PIAS2: variants seen among roughly 807,000 people sequenced by gnomAD.
PIAS2 encodes the protein protein inhibitor of activated STAT 2.
Under a neutral mutation model 69.7 loss-of-function variants are expected in PIAS2, and 19 were observed. The observed-to-expected ratio is 0.27, with a 90% CI of 0.19 to 0.40. The LOEUF (loss-of-function observed/expected upper bound fraction) is 0.40, where lower values mean the gene tolerates loss of function less well. Among genes scored for constraint, PIAS2 ranks in the 10% least tolerant of loss-of-function variants. PIAS2 has a pLI of 1.00. For missense variants in PIAS2, 624 were observed against 757.0 expected (o/e 0.82, Z 2.06); for synonymous variants, 261 against 263.2 (o/e 0.99, Z 0.08).
chr18:46,855,992 C>CTTTTTTTTTTTTTTTTTTTT (rs1256937354), intron 3 of PIAS2, among the ~76,000 whole-genome samples: 1 of 69,150 alleles, frequency 1.4e-5, no homozygotes, highest in African/African-American at 5.6e-5. Context: ...TTTTCTTTTT[C>CTTTTTTTTTTTTTTTTTTTT]TTTTGTTTTT....
chr18:46,851,793 C>A (rs2047006762), intron 5 of PIAS2, among the ~76,000 whole-genome samples: 1 of 152,204 alleles, frequency 6.6e-6, no homozygotes, highest in Non-Finnish European at 1.5e-5. Context: ...TTACTTTGTA[C>A]ATGAAGTATA....
intron 9 of PIAS2, among the ~76,000 whole-genome samples, chr18:46,833,248 T>C (rs1211942419): frequency 6.6e-6 from 1 of 152,222 alleles, no homozygotes; most frequent in South Asian, 2.1e-4. Flanking sequence ...AACATAAATG[T>C]ATCTCAAACA....
chr18:46,892,219 C>A lies in PIAS2; in HGVS notation c.25-1165G>T, dbSNP rs1392587666. On this transcript the variant is annotated intron_variant, in intron 1 of 13. Transcript: ENST00000585916. ...ACGGCCCAGAAGCAACTGTTTAAAA[C>A]CCTATATGGTTTTTAAATACTTGTT... Among the ~76,000 whole-genome samples the A allele has an allele frequency of 3.9e-5, 6 of 152,246 alleles. No individual in the cohort carries two copies. The South Asian group carries it at 1.0e-3, about 26-fold the overall frequency.
At chr18:46,836,598 G>T in intron 8 of PIAS2, 81 bp from the exon 9 acceptor site, 1 of 936,334 alleles carries the variant, frequency 1.1e-6, no homozygotes, top group Non-Finnish European at 1.6e-6. Flanking sequence ...GTAAAAGTCG[G>T]AAGATGTCAT....
chr18:46,815,560 C>A, intron 12 of PIAS2: 1 of 985,260 alleles, frequency 1.0e-6, no homozygotes, highest in Middle Eastern at 5.2e-4. Context: ...GAAAAACTAG[C>A]TCCCAGAGAC....
chr18:46,864,278 A>G (rs749806346), intron 2 of PIAS2, 30 bp from the exon 3 acceptor site: 2 of 1,449,376 alleles, frequency 1.4e-6, no homozygotes, highest in Admixed American at 2.2e-5. Context: ...GAAAGATAAT[A>G]TTTCAATAAC....
chr18:46,879,385 T>TA (rs34230564), intron 2 of PIAS2, among the ~76,000 whole-genome samples: 150,610 of 150,860 alleles, frequency 1, 75,180 homozygotes, highest in Middle Eastern at 1. Context: ...ATGGTCACTA[T>TA]AAAAAAAAAT....
At chr18:46,855,999 T>C in intron 3 of PIAS2, among the ~76,000 whole-genome samples, 1 of 93,258 alleles carries the variant, frequency 1.1e-5, no homozygotes, top group African/African-American at 4.6e-5. Flanking sequence ...TTTCTTTTGT[T>C]TTTTTTTTTT....
chr18:46,836,664 G>T (rs2044484200), intron 8 of PIAS2, 147 bp from the exon 9 acceptor site: 1 of 585,090 alleles, frequency 1.7e-6, no homozygotes, highest in Non-Finnish European at 3.0e-6. Context: ...TTCCCAAGAA[G>T]ATTACAATAT....
chr18:46,882,787 T>G (rs1304232966), intron 2 of PIAS2, among the ~76,000 whole-genome samples: 1 of 152,144 alleles, frequency 6.6e-6, no homozygotes, highest in South Asian at 2.1e-4. Flanking sequence ...TAAGAAAGAT[T>G]GTCACGGTGC....
chr18:46,808,769 A>C lies in PIAS2; in HGVS notation c.*3664T>G, dbSNP rs1041350059. ...TGAAAATGAAGAAAATCTTTCAGGA[A>C]AAATTAAGAAAATAAAAATGTTTAC... On this transcript the variant is annotated 3_prime_UTR_variant, in exon 14 of 14. Coordinates refer to ENST00000585916, the MANE Select transcript of PIAS2 (RefSeq NM_004671.5). The C allele has an allele frequency of 1.3e-5, 2 of 152,158 alleles. No homozygotes were observed. Among genetic ancestry groups the C allele is most frequent in the African/African-American group, 4.8e-5 (2 of 41,436 alleles). 9.4% of individuals were successfully genotyped at this position (152,158 alleles called of 1,614,324 possible).
At chr18:46,818,100 A>G in intron 12 of PIAS2, 1 of 1,023,664 alleles carries the variant, frequency 9.8e-7, no homozygotes. Flanking sequence ...ATTTTAATTT[A>G]AAAATTTTAA....
intron 2 of PIAS2, among the ~76,000 whole-genome samples, chr18:46,890,191 A>C (rs1224447339): frequency 1.3e-5 from 2 of 152,176 alleles, no homozygotes; most frequent in Non-Finnish European, 2.9e-5. Context: ...GTGGGAGAGG[A>C]GGAGAGGAAG....
At chr18:46,917,288 T>TC (rs1568945893) in intron 1 of PIAS2, 34 bp downstream of exon 1, 2 of 1,446,834 alleles carry the variant, frequency 1.4e-6, no homozygotes, top group East Asian at 3.2e-5. Flanking sequence ...TCCCATCCCC[T>TC]CCCCCGCGGC....
intron 3 of PIAS2, among the ~76,000 whole-genome samples, chr18:46,856,859 A>G (rs2047915765): frequency 6.6e-6 from 1 of 152,100 alleles, no homozygotes; most frequent in South Asian, 2.1e-4. Context: ...ACCGTTCCCA[A>G]TCCTCGAGCT....
intron 1 of PIAS2, among the ~76,000 whole-genome samples, chr18:46,898,209 G>A (rs1343483518): frequency 6.6e-6 from 1 of 151,914 alleles, no homozygotes; most frequent in African/African-American, 2.4e-5. Context: ...CCAGGCTGGA[G>A]TGCAGTGGCA....
Position 46,816,278 on chromosome 18 carries a change from G to C in PIAS2, c.1649-929C>G, listed in dbSNP as rs1389759631. On this transcript the variant is annotated intron_variant, in intron 12 of 13. Transcript: ENST00000585916. ...CTTTTATGCAAAATAGAGAATATCA[G>C]TGGGTACATTTAAAATATCTACTAA... The C allele has an allele frequency of 1.0e-5, 10 of 967,594 alleles. No individual in the cohort carries two copies. The African/African-American group carries it at 1.4e-4, about 14-fold the overall frequency. 59.9% of individuals were successfully genotyped at this position (967,594 alleles called of 1,614,324 possible). A position where few individuals can be genotyped will look rare whatever the true frequency, so the allele number is the denominator to read the frequency against.
rs1230474667 is a variant in PIAS2, at chr18:46,810,765, G to C, written c.*1668C>G. ...GAAAAAAAAAAAAAACCCCAAGCAAGGACAAGTCAGCTCCTTGGAGCTGCA... is the reference window on the plus strand; with the variant it reads ...GAAAAAAAAAAAAAACCCCAAGCAACGACAAGTCAGCTCCTTGGAGCTGCA... On this transcript the variant is annotated 3_prime_UTR_variant, in exon 14 of 14. Coordinates refer to ENST00000585916, the MANE Select transcript of PIAS2 (RefSeq NM_004671.5). 6.6e-6 allele frequency: 1 copy of C among 150,876 alleles called. No individual in the cohort carries two copies. Among genetic ancestry groups the C allele is most frequent in the African/African-American group, 2.4e-5 (1 of 41,150 alleles). The allele number at this position is 150,876 out of a possible 1,614,324, so 9.3% of individuals were successfully genotyped here.
At chr18:46,869,058 T>G (rs2049930343) in intron 2 of PIAS2, among the ~76,000 whole-genome samples, 1 of 152,214 alleles carries the variant, frequency 6.6e-6, no homozygotes, top group African/African-American at 2.4e-5. Context: ...CTTGAATGTG[T>G]GTGAATGAGA....
Sources: gnomAD v4.1 joint callset for allele counts (sites outside exome capture counted in the v4.1 genomes callset) on GRCh38, gnomAD v4.1.1 for gene constraint, MANE v1.5 for transcripts, NCBI Gene and HGNC (gene_info 2026-07-23, HGNC 2026-07-21) for gene names.